Variants in OPRL1 observed in about 807,000 individuals in gnomAD.
OPRL1 encodes the protein opioid related nociceptin receptor 1.
In OPRL1, 5 loss-of-function variants were observed where a neutral mutation model predicts 15.5. The observed-to-expected ratio is 0.32, with a 90% CI of 0.17 to 0.68. OPRL1 has a LOEUF of 0.68. Among genes scored for constraint, OPRL1 ranks in the 30% least tolerant of loss-of-function variants. The probability of loss-of-function intolerance (pLI) is 0.72; values close to 1 mark genes in which losing one functional copy is unlikely to be tolerated. For synonymous variants in OPRL1, 223 were observed against 230.2 expected, an observed-to-expected ratio of 0.97 and a Z score of 0.28; for missense variants, 406 against 515.3, an observed-to-expected ratio of 0.79 and a Z score of 2.05.
At chr20:64,084,031 C>A in intron 1 of OPRL1, 1 of 1,503,792 alleles carries the variant, frequency 6.6e-7, no homozygotes, top group Non-Finnish European at 8.8e-7. Flanking sequence ...CGCCGAAGAG[C>A]AGATGGCGGT....
chr20:64,098,582 C>A lies in OPRL1; in HGVS notation c.896C>A (p.Ala299Asp). 1 of 1,612,842 alleles carries A rather than the reference C, an allele frequency of 6.2e-7. No individual in the cohort carries two copies. Among genetic ancestry groups the A allele is most frequent in the Non-Finnish European group, 8.5e-7 (1 of 1,179,980 alleles). ...CAGCCGAGCAGCGAGACTGCCGTGGCCATTCTGCGCTTCTGCACGGCCCTG... is the reference window on the plus strand; with the variant it reads ...CAGCCGAGCAGCGAGACTGCCGTGGACATTCTGCGCTTCTGCACGGCCCTG... ...GVQPSSETAV[A>D]ILRFCTALGY... The change falls in exon 5 of 5, where the codon GCC (alanine) becomes GAC (aspartate). Residue 299 changes from alanine (A) to aspartate (D), a missense_variant. Ala to Asp is a moderately radical substitution (Grantham distance 126). Transcript: ENST00000336866.
Position 64,092,685 on chromosome 20 carries a change from C to A in OPRL1, c.-33-3C>A. On this transcript the variant is annotated splice_region_variant and splice_polypyrimidine_tract_variant and intron_variant, in intron 2 of 4. Coordinates refer to ENST00000336866, the MANE Select transcript of OPRL1 (RefSeq NM_182647.4). Reference sequence around the variant, plus strand: ...AGCCACTTGTCTCTGCGCTCTGTCCCAGGTACCGTACAGAGTGGATTTGCA... The same window carrying A: ...AGCCACTTGTCTCTGCGCTCTGTCCAAGGTACCGTACAGAGTGGATTTGCA... The A allele has an allele frequency of 6.3e-7, 1 of 1,583,396 alleles. No homozygotes were observed. The highest frequency in any genetic ancestry group is 1.1e-5 in the South Asian group (1 of 89,102).
At position 64,098,049 on chromosome 20, in the gene OPRL1, G is replaced by T; in HGVS notation, c.481G>T (p.Val161Phe). 6.2e-7 allele frequency: 1 copy of T among 1,613,398 alleles called. No individual in the cohort carries two copies. The highest frequency in any genetic ancestry group is 8.5e-7 in the Non-Finnish European group (1 of 1,179,970). ...AICHPIRALD[V>F]RTSSKAQAVN... ...CTGCCACCCCATCCGTGCCCTCGAC[G>T]TCCGCACGTCCAGCAAAGCCCAGGC... The change falls in exon 4 of 5, where the codon GTC (valine) becomes TTC (phenylalanine). Residue 161 changes from valine to phenylalanine, a missense_variant. Transcript: ENST00000336866.
chr20:64,092,376 C>T (rs1447960185), intron 2 of OPRL1, among the ~76,000 whole-genome samples: 1 of 152,158 alleles, frequency 6.6e-6, no homozygotes, highest in Admixed American at 6.5e-5. Flanking sequence ...GGACACGTGT[C>T]CTGGGGTGTA....
In OPRL1 at chr20:64,090,324, T is replaced by C. The variant is rs2060107120; in HGVS notation, c.-184-1642T>C. On this transcript the variant is annotated intron_variant, in intron 1 of 4. Coordinates refer to ENST00000336866, the MANE Select transcript of OPRL1 (RefSeq NM_182647.4). This position sits in a 1 kb window ranked among gnomAD's most constrained non-coding sequence, Gnocchi z 4.9. The stretch of plus-strand genomic sequence containing the variant: ...TGCCCCGTGCCTTCACACGTGTCCC[T>C]GAGTCTTGGTTGCCGTGAAGATGCA... Among the ~76,000 whole-genome samples, 1 of 152,362 alleles carries C rather than the reference T, an allele frequency of 6.6e-6. No homozygotes were observed. The highest frequency in any genetic ancestry group is 1.9e-4 in the East Asian group (1 of 5,188).
rs903921790 is a variant in OPRL1 at position 64,089,302 on chromosome 20, C to G, written c.-184-2664C>G. ...TCTGCTGGACCCTGAACGGCTCCCA[C>G]AGAGGGAGTTGAGGTCTCTATTGAC... On this transcript the variant is annotated intron_variant, in intron 1 of 4. Coordinates refer to ENST00000336866, the MANE Select transcript of OPRL1 (RefSeq NM_182647.4). This position sits in a 1 kb window ranked among gnomAD's most constrained non-coding sequence, Gnocchi z 5.5. Among the ~76,000 whole-genome samples the G allele has an allele frequency of 6.6e-6, 1 of 152,156 alleles. No individual in the cohort carries two copies. Among genetic ancestry groups the G allele is most frequent in the Non-Finnish European group, 1.5e-5 (1 of 68,022 alleles).
chr20:64,081,787 C>T (rs1208737885), intron 1 of OPRL1, among the ~76,000 whole-genome samples: 1 of 152,220 alleles, frequency 6.6e-6, no homozygotes, highest in Non-Finnish European at 1.5e-5. Flanking sequence ...CCCCCTGCGC[C>T]TTTTCATGGG....
At chr20:64,087,716 T>C (rs904560558) in intron 1 of OPRL1, among the ~76,000 whole-genome samples, 1 of 152,240 alleles carries the variant, frequency 6.6e-6, no homozygotes, top group Non-Finnish European at 1.5e-5. Flanking sequence ...GCCCAGAACA[T>C]GTGTGTTTGA....
chr20:64,080,449 G>A (rs1052628952), intron 1 of OPRL1, 97 bp downstream of exon 1: 5 of 152,326 alleles, frequency 3.3e-5, no homozygotes, highest in African/African-American at 1.2e-4. Flanking sequence ...CCCAAGGAAG[G>A]GGGAGATTCC....
Sources: allele counts gnomAD v4.1 joint callset (sites outside exome capture counted in the v4.1 genomes callset), GRCh38; gene constraint gnomAD v4.1.1; non-coding constraint Gnocchi (gnomAD v3.1); transcripts MANE v1.5; gene names NCBI Gene and HGNC (gene_info 2026-07-23, HGNC 2026-07-21).